Variants in CCDC136 observed in about 807,000 individuals in gnomAD.
CCDC136 encodes the protein coiled-coil domain containing 136.
A neutral mutation model predicts 141.2 loss-of-function variants in CCDC136; 100 were observed. That is an observed-to-expected ratio of 0.71 (90% confidence interval 0.60 to 0.84). The LOEUF is 0.84. CCDC136 is among the 40% of genes least tolerant of loss of function. CCDC136 has a pLI of 0.00. For synonymous variants in CCDC136, 474 were observed against 531.9 expected (o/e 0.89, Z 1.50); for missense variants, 1,206 against 1,379.4 (o/e 0.87, Z 1.99).
In CCDC136 at chr7:128,794,856, C is replaced by T; in HGVS notation, c.346+88C>T. On this transcript the variant is annotated intron_variant, in intron 3 of 17. Transcript: ENST00000297788. This position sits in a 1 kb window ranked among gnomAD's most constrained non-coding sequence, Gnocchi z 4.3. Reference sequence around the variant, plus strand: ...TCCTGAGGGTTTGACTGAAGCACAGCAGATAAAAATAACCAAATTCAGTAA... The same window carrying T: ...TCCTGAGGGTTTGACTGAAGCACAGTAGATAAAAATAACCAAATTCAGTAA... 2 of 1,019,264 alleles carry T rather than the reference C, an allele frequency of 2.0e-6. No individual in the cohort carries two copies. Among genetic ancestry groups the T allele is most frequent in the Non-Finnish European group, 3.0e-6 (2 of 676,586 alleles). The allele number at this position is 1,019,264 out of a possible 1,614,324, so 63.1% of individuals were successfully genotyped here.
Position 128,806,837 on chromosome 7 carries a change from C to T in CCDC136, c.1398C>T (p.Ser466=), listed in dbSNP as rs1804925086. Residue 466 remains serine, a synonymous_variant, in exon 9 of 18, where the codon TCC becomes TCT. Coordinates refer to ENST00000297788, the MANE Select transcript of CCDC136 (RefSeq NM_022742.5). ...ELQHLRDTVA[S]FKESNEKDTE... ...AGCACCTCAGGGATACGGTGGCCTC[C>T]TTCAAAGAGAGCAATGAGAAGGTAA... is the stretch of plus-strand genomic sequence containing the variant. The T allele has an allele frequency of 1.2e-6, 2 of 1,608,062 alleles. No individual in the cohort carries two copies. The highest frequency in any genetic ancestry group is 1.7e-4 in the Middle Eastern group (1 of 5,948).
intron 8 of CCDC136, 25 bp from the exon 9 acceptor site, chr7:128,806,663 C>T: frequency 6.3e-7 from 1 of 1,597,502 alleles, no homozygotes; most frequent in Non-Finnish European, 8.5e-7. Flanking sequence ...CCCAAAGGCA[C>T]TGCCCAAAGC....
chr7:128,798,856 C>T (rs1261515383), intron 3 of CCDC136, among the ~76,000 whole-genome samples: 1 of 151,914 alleles, frequency 6.6e-6, no homozygotes, highest in Non-Finnish European at 1.5e-5. Flanking sequence ...ATCAAGGAGA[C>T]GTAACAGCTA....
rs565055768 is a variant in CCDC136 at position 128,817,145 on chromosome 7, G to C, written c.3364-613G>C. ...ATATATGGAGAGATCCCTTTGCCCC[G>C]TGGGTCCTGCGTCTTTTGCAGGCAG... On this transcript the variant is annotated intron_variant, in intron 16 of 17. Transcript: ENST00000297788. This position sits in a 1 kb window ranked among gnomAD's most constrained non-coding sequence, Gnocchi z 4.6. 6.6e-6 allele frequency among the ~76,000 whole-genome samples: 1 copy of C among 152,146 alleles called. No individual in the cohort carries two copies. Among genetic ancestry groups the C allele is most frequent in the African/African-American group, 2.4e-5 (1 of 41,420 alleles).
At chr7:128,800,090 G>A (rs1258105120) in intron 3 of CCDC136, among the ~76,000 whole-genome samples, 1 of 151,948 alleles carries the variant, frequency 6.6e-6, no homozygotes, top group Non-Finnish European at 1.5e-5. Flanking sequence ...ATCTTTCCAG[G>A]CCTTTTTCTA....
chr7:128,811,118 C>T (rs1805644363), intron 12 of CCDC136: 1 of 335,548 alleles, frequency 3.0e-6, no homozygotes, highest in African/African-American at 2.2e-5. Context: ...TCATTCAGAT[C>T]TTATTCTGAA....
rs1807493079 is a variant in CCDC136 at position 128,821,986 on chromosome 7, G to A, written c.*193G>A. ...GCTTTGGGCAGGACACACTGTGCCA[G>A]AACCCTCCCCATATGTTCCATGTGT... On this transcript the variant is annotated 3_prime_UTR_variant, in exon 18 of 18. Transcript: ENST00000297788. The surrounding 1 kb of genome is among the most constrained non-coding windows in gnomAD (Gnocchi z 5.1). 9 of 1,277,974 alleles carry A rather than the reference G, an allele frequency of 7.0e-6. No homozygotes were observed. Among genetic ancestry groups the A allele is most frequent in the Non-Finnish European group, 7.1e-6 (7 of 981,478 alleles). 79.2% of individuals were successfully genotyped at this position (1,277,974 alleles called of 1,614,324 possible).
At chr7:128,802,740 A>G (rs1054635390) in intron 4 of CCDC136, among the ~76,000 whole-genome samples, 2 of 152,224 alleles carry the variant, frequency 1.3e-5, no homozygotes, top group Non-Finnish European at 2.9e-5. Flanking sequence ...GATGTTGACA[A>G]TTAGGGAAAT....
At chr7:128,799,618 C>A (rs1050395986) in intron 3 of CCDC136, among the ~76,000 whole-genome samples, 7 of 151,526 alleles carry the variant, frequency 4.6e-5, no homozygotes, top group African/African-American at 1.7e-4. Flanking sequence ...TTTTATGAGA[C>A]CATTTAATAG....
At chr7:128,791,417 GC>G, upstream of CCDC136, 1 of 1,090,826 alleles carries the variant, frequency 9.2e-7, no homozygotes, top group Non-Finnish European at 1.2e-6. The surrounding 1 kb of genome is among the most constrained non-coding windows in gnomAD (Gnocchi z 7.1). Context: ...CTCCCTCCCT[GC>G]GCACCCGGCT....
At chr7:128,809,228 G>A (rs1805326459) in intron 10 of CCDC136, 1 of 469,882 alleles carries the variant, frequency 2.1e-6, no homozygotes, top group Non-Finnish European at 3.8e-6. Context: ...AGCAAGGCCA[G>A]CCACCAGTCT....
chr7:128,798,722 C>G, intron 3 of CCDC136, among the ~76,000 whole-genome samples: 1 of 152,170 alleles, frequency 6.6e-6, no homozygotes, highest in African/African-American at 2.4e-5. Context: ...GCTAGACAGA[C>G]CTCACTGTGC....
chr7:128,819,921 T>G (rs1203743876), intron 17 of CCDC136, among the ~76,000 whole-genome samples: 1 of 152,230 alleles, frequency 6.6e-6, no homozygotes, highest in Non-Finnish European at 1.5e-5. Flanking sequence ...GTATTTTTTA[T>G]AAGCCCCTCT....
At chr7:128,812,998 A>C in intron 14 of CCDC136, 69 bp downstream of exon 14, 1 of 1,036,816 alleles carries the variant, frequency 9.6e-7, no homozygotes, top group Non-Finnish European at 1.5e-6. Context: ...TGGCCACTTC[A>C]TAGAGGCTAA....
chr7:128,806,757 C>T lies in CCDC136; in HGVS notation c.1318C>T (p.Leu440=). 6.2e-7 allele frequency: 1 copy of T among 1,612,348 alleles called. No individual in the cohort carries two copies. The highest frequency in any genetic ancestry group is 1.7e-5 in the Admixed American group (1 of 59,952). ...CGTCACATGTGAGAAGGAAAAGCTG[C>T]TGGAACGGCAGCAGCAGCTGCAGGA... The part of the protein sequence containing the change: ...QNVTCEKEKL[L]ERQQQLQEEL... The change falls in exon 9 of 18, where the codon CTG becomes TTG. Residue 440 remains leucine, a synonymous_variant. Transcript: ENST00000297788.
At chr7:128,810,437 C>T (rs1185566766) in intron 12 of CCDC136, 71 bp downstream of exon 12, 9 of 1,145,452 alleles carry the variant, frequency 7.9e-6, no homozygotes, top group Admixed American at 6.2e-5. Context: ...TGGGCACCGC[C>T]GAAGGGTCAG....
In CCDC136 at chr7:128,807,537, G is replaced by T; in HGVS notation, c.1597G>T (p.Ala533Ser). The change falls in exon 10 of 18, where the codon GCT becomes TCT. Residue 533 changes from alanine to serine, a missense_variant. Physicochemically the swap from Ala to Ser is moderately conservative, Grantham distance 99. Transcript: ENST00000297788. ...HPIPEDKGKC[A>S]NKCDTLLSRL... ...CATTCCGGAGGACAAAGGAAAGTGT[G>T]CTAATAAGGTAATTGTCGTTCAGAG... is the stretch of plus-strand genomic sequence containing the variant. 6.9e-7 allele frequency: 1 copy of T among 1,444,494 alleles called. No individual in the cohort carries two copies. Among genetic ancestry groups the T allele is most frequent in the African/African-American group, 1.5e-5 (1 of 68,840 alleles). 89.5% of individuals were successfully genotyped at this position (1,444,494 alleles called of 1,614,324 possible). A position where few individuals can be genotyped will look rare whatever the true frequency, so the allele number is the denominator to read the frequency against.
intron 10 of CCDC136, 29 bp from the exon 11 acceptor site, chr7:128,809,421 A>G (rs1042343144): frequency 2.9e-6 from 4 of 1,374,004 alleles, no homozygotes; most frequent in Middle Eastern, 2.5e-4. Context: ...CAGAGTAACC[A>G]CCCCCTCCAC....
At chr7:128,811,424 C>G (rs569788322) in intron 12 of CCDC136, 2 of 455,928 alleles carry the variant, frequency 4.4e-6, no homozygotes, top group African/African-American at 4.0e-5. Flanking sequence ...TAGGGGTGGG[C>G]GAGGGGACTG....
Sources: gnomAD v4.1 joint callset for allele counts (sites outside exome capture counted in the v4.1 genomes callset) on GRCh38, gnomAD v4.1.1 for gene constraint, Gnocchi (gnomAD v3.1) non-coding constraint, MANE v1.5 for transcripts, NCBI Gene and HGNC (gene_info 2026-07-23, HGNC 2026-07-21) for gene names.